The following ITPR1 variants were observed in gnomAD, a reference collection of about 807,000 sequenced individuals.
ITPR1 encodes the protein inositol 1,4,5-trisphosphate receptor type 1, also known as inositol 1,4,5-trisphosphate-gated calcium channel ITPR1.
Under a neutral mutation model 318.4 loss-of-function variants are expected in ITPR1, and 96 were observed. That is an observed-to-expected ratio of 0.30 (90% CI 0.26 to 0.36). The LOEUF is 0.36. Ranked by LOEUF, ITPR1 falls within the 10% of genes least tolerant of loss-of-function variation. The probability of loss-of-function intolerance (pLI) is 1.00; values close to 1 mark genes in which losing one functional copy is unlikely to be tolerated. For missense variants in ITPR1, 2,440 were observed against 3,460.2 expected (o/e 0.71, Z 7.40); for synonymous variants, 1,312 against 1,289.9 (o/e 1.02, Z -0.37).
intron 61 of ITPR1, among the ~76,000 whole-genome samples, chr3:4,839,258 C>T (rs894778664): frequency 2.6e-5 from 4 of 151,504 alleles, no homozygotes; most frequent in African/African-American, 7.3e-5. Flanking sequence ...ACCCAGGAGG[C>T]GGAGGTTGTG....
intron 4 of ITPR1, among the ~76,000 whole-genome samples, chr3:4,558,479 C>T (rs1029813445): frequency 1.3e-5 from 2 of 151,958 alleles, no homozygotes; most frequent in South Asian, 2.1e-4. Flanking sequence ...AAAATATAGA[C>T]AATAGATGGT....
intron 4 of ITPR1, among the ~76,000 whole-genome samples, chr3:4,613,800 A>C (rs1202919324): frequency 1.3e-5 from 2 of 152,136 alleles, no homozygotes; most frequent in East Asian, 3.8e-4. Context: ...GAGGTATTTC[A>C]TATATGCATG....
At chr3:4,809,962 C>T (rs1413465221) in intron 55 of ITPR1, among the ~76,000 whole-genome samples, 1 of 152,190 alleles carries the variant, frequency 6.6e-6, no homozygotes, top group Non-Finnish European at 1.5e-5. Context: ...CTACCCAATG[C>T]CCTTCACAGA....
chr3:4,751,071 G>C lies in ITPR1; in HGVS notation c.5545-15459G>C, dbSNP rs200985849. ...GAAGTCTGTTGCTAGTTGGACAGTC[G>C]GTATGGCCTGGAGGAGAAGGGCTGT... On this transcript the variant is annotated intron_variant, in intron 44 of 61. Transcript: ENST00000649015. 4 of 152,714 alleles carry C rather than the reference G, an allele frequency of 2.6e-5. 1 individual carries two copies. The allele number at this position is 152,714 out of a possible 1,614,324, so 9.5% of individuals were successfully genotyped here.
intron 4 of ITPR1, among the ~76,000 whole-genome samples, chr3:4,618,018 T>C (rs560952468): frequency 2.0e-4 from 30 of 151,620 alleles, no homozygotes; most frequent in African/African-American, 6.5e-4. Context: ...TTATTTGATA[T>C]ATGCACATCC....
chr3:4,624,007 G>A (rs963486423), intron 4 of ITPR1, among the ~76,000 whole-genome samples: 1 of 152,206 alleles, frequency 6.6e-6, no homozygotes, highest in Admixed American at 6.5e-5. Flanking sequence ...TTGAGCTTGT[G>A]ATGTAGCCCC....
At chr3:4,774,159 A>G (rs1168096810) in intron 46 of ITPR1, among the ~76,000 whole-genome samples, 5 of 152,196 alleles carry the variant, frequency 3.3e-5, no homozygotes, top group Non-Finnish European at 5.9e-5. Flanking sequence ...TGCCTTTTTG[A>G]AAAAACTTGA....
chr3:4,717,289 A>G (rs2041840981), intron 39 of ITPR1, 78 bp from the exon 40 acceptor site: 2 of 1,217,530 alleles, frequency 1.6e-6, no homozygotes, highest in Non-Finnish European at 2.4e-6. Context: ...CAATAAGAGT[A>G]AAGTCTATAA....
chr3:4,577,787 A>C (rs2088843924), intron 4 of ITPR1, among the ~76,000 whole-genome samples: 1 of 152,242 alleles, frequency 6.6e-6, no homozygotes, highest in African/African-American at 2.4e-5. Context: ...CAACTGTCAC[A>C]AAATAGCAGA....
At chr3:4,576,144 A>G (rs1237968998) in intron 4 of ITPR1, among the ~76,000 whole-genome samples, 2 of 152,184 alleles carry the variant, frequency 1.3e-5, no homozygotes, top group Non-Finnish European at 2.9e-5. Flanking sequence ...AATAATTAAT[A>G]TAGGAAACAT....
chr3:4,536,954 T>C (rs2083926204), intron 4 of ITPR1, among the ~76,000 whole-genome samples: 1 of 116,514 alleles, frequency 8.6e-6, no homozygotes, highest in Non-Finnish European at 1.7e-5. Context: ...GGGGGATTTT[T>C]TGGGGTCAAT....
intron 37 of ITPR1, among the ~76,000 whole-genome samples, chr3:4,707,370 A>T (rs1299084928): frequency 6.6e-6 from 1 of 152,188 alleles, no homozygotes; most frequent in Non-Finnish European, 1.5e-5. Context: ...TTGGCAGTTG[A>T]TGCTGGTTGT....
intron 39 of ITPR1, among the ~76,000 whole-genome samples, chr3:4,716,120 C>G (rs990213308): frequency 1.3e-5 from 2 of 152,118 alleles, no homozygotes; most frequent in Non-Finnish European, 2.9e-5. Flanking sequence ...AGTTAATAAA[C>G]TTTAAAATTA....
At chr3:4,644,589 T>C (rs2093413368) in intron 8 of ITPR1, among the ~76,000 whole-genome samples, 1 of 152,230 alleles carries the variant, frequency 6.6e-6, no homozygotes. Context: ...TGCCTCTTTT[T>C]AACTGTTCAA....
intron 44 of ITPR1, among the ~76,000 whole-genome samples, chr3:4,754,055 G>C (rs574258327): frequency 3.8e-5 from 5 of 131,878 alleles, no homozygotes; most frequent in African/African-American, 1.1e-4. Flanking sequence ...AAATGGGGGG[G>C]GGGTGGCAAG....
Position 4,783,830 on chromosome 3 carries a change from CAAAG to C in ITPR1, c.6528_6531del (p.Lys2176AsnfsTer6). On this transcript the variant is annotated frameshift_variant, in exon 51 of 62. Coordinates refer to ENST00000649015, the MANE Select transcript of ITPR1 (RefSeq NM_001378452.1). LOFTEE classifies it high-confidence loss of function. ...CTGTATTCTAGTTGGCTCGGCATAA[CAAAG>C]AACTTCAGAGCATGCTGAAACCTGG... 6.2e-7 allele frequency: 1 copy of C among 1,605,148 alleles called. No individual in the cohort carries two copies. Among genetic ancestry groups the C allele is most frequent in the Non-Finnish European group, 8.5e-7 (1 of 1,175,858 alleles).
In ITPR1 at chr3:4,706,284, A is replaced by G. The variant is rs532031960; in HGVS notation, c.4775A>G (p.Asn1592Ser). ...TAMNWRLSAR[N>S]AARRDSVLAA... is the part of the protein sequence containing the mutation. ...ATGAACTGGCGGCTCTCAGCCCGCA[A>G]TGCCGCACGCAGGGACTCTGTTCTG... Residue 1592 changes from asparagine to serine, a missense_variant, in exon 37 of 62, where the codon AAT becomes AGT. By Grantham distance (46) the Asn-to-Ser change is conservative. Transcript: ENST00000649015. 4 of 1,614,036 alleles carry G rather than the reference A, an allele frequency of 2.5e-6. No individual in the cohort carries two copies. The highest frequency in any genetic ancestry group is 2.2e-5 in the South Asian group (2 of 91,086).
chr3:4,604,280 C>G (rs1457293850), intron 4 of ITPR1, among the ~76,000 whole-genome samples: 1 of 152,106 alleles, frequency 6.6e-6, no homozygotes, highest in Non-Finnish European at 1.5e-5. Context: ...AGATGCTGGA[C>G]CTATGCTTGT....
rs1392456034 is a variant in ITPR1 at position 4,847,395 on chromosome 3, C to CCA, written c.*1170_*1171insCA. The CCA allele has an allele frequency of 4.4e-5, 6 of 135,162 alleles. No individual in the cohort carries two copies. Among genetic ancestry groups the CCA allele is most frequent in the Non-Finnish European group, 7.9e-5 (5 of 63,346 alleles). 8.4% of individuals were successfully genotyped at this position (135,162 alleles called of 1,614,324 possible). On this transcript the variant is annotated 3_prime_UTR_variant, in exon 62 of 62. Transcript: ENST00000649015. Reference sequence around the variant, plus strand: ...CTCATTTTACAAGAGAATCTCTCTGCAAAAAAAAAAAAAACAGTTTAAAAA... The same window carrying CCA: ...CTCATTTTACAAGAGAATCTCTCTGCCAAAAAAAAAAAAAAACAGTTTAAAAA...
Sources: allele counts gnomAD v4.1 joint callset (sites outside exome capture counted in the v4.1 genomes callset), GRCh38; gene constraint gnomAD v4.1.1; transcripts MANE v1.5; gene names NCBI Gene and HGNC (gene_info 2026-07-23, HGNC 2026-07-21).